The following KCTD13 variants were observed in gnomAD, a reference collection of about 807,000 sequenced individuals.
KCTD13 encodes the protein potassium channel tetramerization domain containing 13.
KCTD13 carries 15 observed loss-of-function variants against 32.3 expected under a neutral mutation model. That is an observed-to-expected ratio of 0.46 (90% CI 0.31 to 0.71). The LOEUF is 0.71. Ranked by LOEUF, KCTD13 falls within the 30% of genes least tolerant of loss-of-function variation. The probability of loss-of-function intolerance (pLI) is 0.05; values close to 1 mark genes in which losing one functional copy is unlikely to be tolerated. For missense variants in KCTD13, 337 were observed against 452.6 expected, an observed-to-expected ratio of 0.74 and a Z score of 2.32; for synonymous variants, 189 against 200.1, an observed-to-expected ratio of 0.94 and a Z score of 0.47.
intron 5 of KCTD13, among the ~76,000 whole-genome samples, chr16:29,908,913 T>C (rs1051888163): frequency 3.3e-5 from 5 of 151,884 alleles, no homozygotes; most frequent in Admixed American, 1.3e-4. Flanking sequence ...CAGGCTGGCC[T>C]CAAACTCCTG....
chr16:29,912,203 C>T, intron 2 of KCTD13, 154 bp from the exon 3 acceptor site: 1 of 653,688 alleles, frequency 1.5e-6, no homozygotes, highest in Non-Finnish European at 2.7e-6. Flanking sequence ...CTCTGCCACT[C>T]TCCCTTTGCT....
At chr16:29,918,351 C>T (rs1439301449) in intron 2 of KCTD13, among the ~76,000 whole-genome samples, 1 of 152,124 alleles carries the variant, frequency 6.6e-6, no homozygotes, top group Non-Finnish European at 1.5e-5. Context: ...TCATTAATGA[C>T]GAGTCATATT....
At chr16:29,911,687 G>A in intron 4 of KCTD13, 128 bp downstream of exon 4, 2 of 965,192 alleles carry the variant, frequency 2.1e-6, no homozygotes, top group Non-Finnish European at 3.1e-6. Context: ...AAGAGGCGAA[G>A]CCGAATCTGC....
At chr16:29,924,564 T>A (rs1178045236) in intron 1 of KCTD13, among the ~76,000 whole-genome samples, 1 of 152,222 alleles carries the variant, frequency 6.6e-6, no homozygotes, top group Non-Finnish European at 1.5e-5. Flanking sequence ...TATCTGCAAT[T>A]GCATATGCAT....
intron 5 of KCTD13, 119 bp from the exon 6 acceptor site, chr16:29,907,227 T>C: frequency 1.5e-6 from 1 of 672,842 alleles, no homozygotes; most frequent in Non-Finnish European, 2.5e-6. Context: ...TCCTTGGGCC[T>C]GGCCTGGCCT....
Position 29,906,763 on chromosome 16 carries a change from G to A in KCTD13, c.*109C>T, listed in dbSNP as rs557468106. ...TGTGCCATGCAATGAAGGGACAGAG[G>A]AGGACCCACGACTTGGCCAGCAGAG... is the stretch of plus-strand genomic sequence containing the variant. On this transcript the variant is annotated 3_prime_UTR_variant, in exon 6 of 6. Coordinates refer to ENST00000568000, the MANE Select transcript of KCTD13 (RefSeq NM_178863.5). 869 of 882,596 alleles carry A rather than the reference G, an allele frequency of 9.8e-4. 1 individual carries two copies. Among genetic ancestry groups the A allele is most frequent in the Non-Finnish European group, 1.4e-3 (761 of 557,532 alleles). The allele number at this position is 882,596 out of a possible 1,614,324, so 54.7% of individuals were successfully genotyped here.
chr16:29,924,421 C>A (rs980550290), intron 1 of KCTD13, among the ~76,000 whole-genome samples: 7 of 152,138 alleles, frequency 4.6e-5, no homozygotes, highest in African/African-American at 7.2e-5. Context: ...AAACTGTTAA[C>A]CCCCGAAGTT....
At chr16:29,923,808 C>A (rs1279511218) in intron 1 of KCTD13, among the ~76,000 whole-genome samples, 2 of 151,652 alleles carry the variant, frequency 1.3e-5, no homozygotes, top group African/African-American at 4.9e-5. Flanking sequence ...GAGCCGAGAT[C>A]GCGCCATTGC....
chr16:29,909,374 G>A (rs1215276744), intron 5 of KCTD13, among the ~76,000 whole-genome samples: 2 of 152,226 alleles, frequency 1.3e-5, no homozygotes, highest in Admixed American at 1.3e-4. Context: ...AGGCAACAGT[G>A]TGTGCAGAGG....
chr16:29,921,127 C>A (rs1362122561), intron 2 of KCTD13: 1 of 152,068 alleles, frequency 6.6e-6, no homozygotes, highest in Non-Finnish European at 1.5e-5. Context: ...ATTAAAAAAA[C>A]ACAATGCAAC....
intron 2 of KCTD13, chr16:29,922,717 T>TA (rs1209254355): frequency 0.025 from 6,912 of 279,688 alleles, 167 homozygotes; most frequent in African/African-American, 0.096. Flanking sequence ...TTTCACTGTT[T>TA]AAAAAAAAAA....
At chr16:29,920,221 A>C (rs983110757) in intron 2 of KCTD13, 5 of 152,172 alleles carry the variant, frequency 3.3e-5, no homozygotes, top group Admixed American at 6.6e-5. Context: ...CTACCCGGAA[A>C]GCTGAGGCAG....
chr16:29,918,473 T>C (rs1333896787), intron 2 of KCTD13, among the ~76,000 whole-genome samples: 2 of 152,170 alleles, frequency 1.3e-5, no homozygotes, highest in Non-Finnish European at 2.9e-5. Flanking sequence ...TATTTTATTA[T>C]TTATTCATTT....
rs1488364210 is a variant in KCTD13 at position 29,923,356 on chromosome 16, C to T, written c.248G>A (p.Trp83Ter). ...ACGGCCGCTCCGGTCAATCAGCACC[C>T]AACCTAGTGGGGTGGGGAGAGGCAG... ...RVEVLTDAGG[W>*]VLIDRSGRHF... The change falls in exon 2 of 6, where the codon TGG becomes TAG. Residue 83 changes from tryptophan to a stop codon, truncating the protein, a stop_gained. Transcript: ENST00000568000. LOFTEE classifies it high-confidence loss of function. The T allele has an allele frequency of 3.7e-6, 6 of 1,613,770 alleles. No homozygotes were observed. The African/African-American group carries it at 8.0e-5, about 22-fold the overall frequency.
chr16:29,911,028 C>T lies in KCTD13; in HGVS notation c.703G>A (p.Glu235Lys). 2 of 1,614,130 alleles carry T rather than the reference C, an allele frequency of 1.2e-6. No homozygotes were observed. Among genetic ancestry groups the T allele is most frequent in the Non-Finnish European group, 1.7e-6 (2 of 1,180,016 alleles). Reference sequence around the variant, plus strand: ...TAGACAATGGAGGTGCAGCACACCTCGGCGATTTTGCGGCCCTGCCCGTAG... The same window carrying T: ...TAGACAATGGAGGTGCAGCACACCTTGGCGATTTTGCGGCCCTGCCCGTAG... Reference protein sequence around the residue: ...SFYGQGRKIAEVCCTSIVYAT... With the variant: ...SFYGQGRKIAKVCCTSIVYAT... Residue 235 changes from glutamate (E) to lysine (K), a missense_variant, in exon 5 of 6, where the codon GAG becomes AAG. Coordinates refer to ENST00000568000, the MANE Select transcript of KCTD13 (RefSeq NM_178863.5).
At chr16:29,922,310 C>T (rs1221008010) in intron 2 of KCTD13, 1 of 152,104 alleles carries the variant, frequency 6.6e-6, no homozygotes, top group Non-Finnish European at 1.5e-5. Context: ...GGGAGGCAAC[C>T]TTTTAATCTA....
chr16:29,924,643 A>AT (rs1307697742), intron 1 of KCTD13, among the ~76,000 whole-genome samples: 1 of 151,422 alleles, frequency 6.6e-6, no homozygotes, highest in East Asian at 1.9e-4. Context: ...AATTTCCATA[A>AT]TTTTGTCAGG....
chr16:29,918,236 T>C (rs1464358587), intron 2 of KCTD13, among the ~76,000 whole-genome samples: 1 of 152,208 alleles, frequency 6.6e-6, no homozygotes, highest in African/African-American at 2.4e-5. Flanking sequence ...CTTAATACAG[T>C]GGCCAAATAC....
At chr16:29,912,629 G>A (rs547771342) in intron 2 of KCTD13, among the ~76,000 whole-genome samples, 11 of 152,150 alleles carry the variant, frequency 7.2e-5, no homozygotes, top group East Asian at 1.9e-4. Flanking sequence ...TAGTAGAGAC[G>A]AGGTTTCTCC....
Sources: allele counts gnomAD v4.1 joint callset (sites outside exome capture counted in the v4.1 genomes callset), GRCh38; gene constraint gnomAD v4.1.1; transcripts MANE v1.5; gene names NCBI Gene and HGNC (gene_info 2026-07-23, HGNC 2026-07-21).